The following TICRR variants were observed in gnomAD, a reference collection of about 807,000 sequenced individuals.
TICRR encodes the protein treslin.
TICRR carries 132 observed loss-of-function variants against 178.1 expected under a neutral mutation model. That is an observed-to-expected ratio of 0.74 (90% CI 0.64 to 0.86). The LOEUF (loss-of-function observed/expected upper bound fraction) is 0.86, where lower values mean the gene tolerates loss of function less well. Ranked by LOEUF, TICRR falls within the 40% of genes least tolerant of loss-of-function variation. The pLI is 0.00. For missense variants in TICRR, 2,587 were observed against 2,334.3 expected (o/e 1.11, Z -2.23); for synonymous variants, 991 against 900.7 (o/e 1.10, Z -1.79).
chr15:89,581,239 A>G (rs1324491091), intron 1 of TICRR, among the ~76,000 whole-genome samples: 1 of 152,110 alleles, frequency 6.6e-6, no homozygotes, highest in East Asian at 1.9e-4. Flanking sequence ...ATAATTTATA[A>G]TTGTTACCCG....
At chr15:89,622,487 C>T (rs77016190) in intron 19 of TICRR, among the ~76,000 whole-genome samples, 2,955 of 152,292 alleles carry the variant, frequency 0.019, 102 homozygotes, top group African/African-American at 0.067. Flanking sequence ...ACTCCCCGTC[C>T]GCTAAAGCAA....
chr15:89,598,153 T>TTG (rs1963030702), intron 7 of TICRR, among the ~76,000 whole-genome samples: 1 of 151,708 alleles, frequency 6.6e-6, no homozygotes, highest in African/African-American at 2.4e-5. Flanking sequence ...TTTGTTTTTT[T>TTG]TAGTAGAGAT....
chr15:89,578,199 T>G lies in TICRR; in HGVS notation c.654+1959T>G, dbSNP rs553780687. ...GGCTTTGGAATGTGGTTTAACCAAG[T>G]GAAAGATGTGATTCCACTTAATGGA... On this transcript the variant is annotated intron_variant, in intron 1 of 21. Coordinates refer to ENST00000268138, the MANE Select transcript of TICRR (RefSeq NM_152259.4). Among the ~76,000 whole-genome samples the G allele has an allele frequency of 9.9e-5, 15 of 152,264 alleles. No individual in the cohort carries two copies. In the South Asian group the frequency reaches 2.7e-3, roughly 27 times the overall value.
At chr15:89,586,224 T>C (rs1245976114) in intron 4 of TICRR, among the ~76,000 whole-genome samples, 4 of 152,200 alleles carry the variant, frequency 2.6e-5, no homozygotes, top group African/African-American at 9.7e-5. Flanking sequence ...CTGTCTACCC[T>C]GCATTGCATT....
At chr15:89,579,598 G>A (rs1018367467) in intron 1 of TICRR, among the ~76,000 whole-genome samples, 3 of 151,488 alleles carry the variant, frequency 2.0e-5, no homozygotes, top group South Asian at 4.2e-4. Context: ...CACCCACCTC[G>A]GCCTCCCAAA....
chr15:89,575,775 T>C lies in TICRR; in HGVS notation c.189T>C (p.Ser63=). 8 of 1,608,872 alleles carry C rather than the reference T, an allele frequency of 5.0e-6. No individual in the cohort carries two copies. Among genetic ancestry groups the C allele is most frequent in the Non-Finnish European group, 6.8e-6 (8 of 1,178,592 alleles). Residue 63 remains serine (S), a synonymous_variant, in exon 1 of 22, where the codon TCT becomes TCC. Coordinates refer to ENST00000268138, the MANE Select transcript of TICRR (RefSeq NM_152259.4). ...CGCGGAGCCGGCCGTCCCGCGTGTC[T>C]GACTTCCGCGAGCTGGGGTCCCGCT... ...QGARSRPSRV[S]DFRELGSRSW...
intron 1 of TICRR, among the ~76,000 whole-genome samples, chr15:89,579,372 G>C (rs1962682211): frequency 6.6e-6 from 1 of 152,174 alleles, no homozygotes; most frequent in African/African-American, 2.4e-5. Flanking sequence ...TTGAGACAGA[G>C]TCTTGCTCTG....
At chr15:89,598,479 C>T (rs563665163) in intron 7 of TICRR, among the ~76,000 whole-genome samples, 2 of 152,156 alleles carry the variant, frequency 1.3e-5, no homozygotes, top group East Asian at 3.9e-4. Flanking sequence ...TCTCCTGTCT[C>T]AGCCTCCTGA....
Position 89,575,608 on chromosome 15 carries a change from A to G in TICRR, c.22A>G (p.Met8Val), listed in dbSNP as rs1441949727. 3.3e-6 allele frequency: 5 copies of G among 1,516,452 alleles called. No individual in the cohort carries two copies. The highest frequency in any genetic ancestry group is 4.4e-6 in the Non-Finnish European group (5 of 1,137,430). The allele number at this position is 1,516,452 out of a possible 1,614,324, so 93.9% of individuals were successfully genotyped here. MACCHKV[M>V]LLLDTAGGAA... ...CGATATGGCATGCTGTCACAAAGTA[A>G]TGCTGCTGCTGGACACCGCGGGCGG... Residue 8 changes from methionine to valine, a missense_variant, in exon 1 of 22, where the codon ATG (methionine) becomes GTG (valine). Physicochemically the swap from Met to Val is conservative, Grantham distance 21. Transcript: ENST00000268138.
At position 89,575,627 on chromosome 15, in the gene TICRR, C is replaced by T. The variant is rs1479022873; in HGVS notation, c.41C>T (p.Ala14Val). Residue 14 changes from alanine to valine, a missense_variant, in exon 1 of 22, where the codon GCG (alanine) becomes GTG (valine). By Grantham distance (64) the Ala-to-Val change is moderately conservative (BLOSUM62 0). Transcript: ENST00000268138. Reference protein sequence around the residue: ...CHKVMLLLDTAGGAARHSRVR... With the variant: ...CHKVMLLLDTVGGAARHSRVR... ...AAAGTAATGCTGCTGCTGGACACCG[C>T]GGGCGGCGCCGCCCGCCACAGCCGG... is the stretch of plus-strand genomic sequence containing the variant. 3 of 1,539,106 alleles carry T rather than the reference C, an allele frequency of 1.9e-6. No homozygotes were observed. Among genetic ancestry groups the T allele is most frequent in the Non-Finnish European group, 2.6e-6 (3 of 1,147,814 alleles).
chr15:89,594,334 T>A (rs1728124753), intron 5 of TICRR, 81 bp from the exon 6 acceptor site: 1 of 1,259,534 alleles, frequency 7.9e-7, no homozygotes, highest in Non-Finnish European at 1.1e-6. Context: ...TTTTAGAGGA[T>A]AGTGGGTATT....
intron 8 of TICRR, 114 bp from the exon 9 acceptor site, chr15:89,600,471 T>A: frequency 2.1e-6 from 1 of 468,504 alleles, no homozygotes; most frequent in Non-Finnish European, 3.8e-6. Context: ...TTCATTCAAA[T>A]GAAAGAATAG....
intron 1 of TICRR, among the ~76,000 whole-genome samples, chr15:89,578,808 C>T (rs759388789): frequency 2.6e-5 from 4 of 152,108 alleles, no homozygotes; most frequent in Admixed American, 6.5e-5. Context: ...AAATGCCCAT[C>T]AGATACTCAA....
At chr15:89,607,833 G>C (rs541919603) in intron 14 of TICRR, among the ~76,000 whole-genome samples, 1 of 152,152 alleles carries the variant, frequency 6.6e-6, no homozygotes, top group African/African-American at 2.4e-5. Flanking sequence ...GTATTGTCTT[G>C]CTGGCTTTGC....
chr15:89,575,744 A>T lies in TICRR; in HGVS notation c.158A>T (p.Gln53Leu). The T allele has an allele frequency of 1.2e-6, 2 of 1,609,840 alleles. No individual in the cohort carries two copies. The highest frequency in any genetic ancestry group is 2.2e-5 in the South Asian group (2 of 90,606). Residue 53 changes from glutamine (Q) to leucine (L), a missense_variant, in exon 1 of 22, where the codon CAG (glutamine) becomes CTG (leucine). By Grantham distance (113) the Gln-to-Leu change is moderately radical (BLOSUM62 -2). Transcript: ENST00000268138. ...TGGGCCTTCAAGTTCTTTGACTCGC[A>T]GGGGGCGCGGAGCCGGCCGTCCCGC... ...VHWAFKFFDS[Q>L]GARSRPSRVS...
rs781504186 is a variant in TICRR, at chr15:89,585,864, A to G, written c.1333A>G (p.Thr445Ala). ...QTAVADSPRD[T>A]ASLFSDVVDS... The stretch of plus-strand genomic sequence containing the variant: ...AGCTGTGGCTGACAGCCCCCGGGAC[A>G]CAGCTTCCCTTTTCTCAGATGTTGT... The change falls in exon 4 of 22, where the codon ACA becomes GCA. Residue 445 changes from threonine (T) to alanine (A), a missense_variant. Coordinates refer to ENST00000268138, the MANE Select transcript of TICRR (RefSeq NM_152259.4). The G allele has an allele frequency of 1.9e-6, 3 of 1,614,066 alleles. No individual in the cohort carries two copies. The highest frequency in any genetic ancestry group is 1.1e-5 in the South Asian group (1 of 91,080).
chr15:89,582,768 A>T lies in TICRR; in HGVS notation c.737A>T (p.Glu246Val), dbSNP rs1962751023. 4 of 1,614,160 alleles carry T rather than the reference A, an allele frequency of 2.5e-6. No homozygotes were observed. The highest frequency in any genetic ancestry group is 3.4e-6 in the Non-Finnish European group (4 of 1,180,028). The change falls in exon 2 of 22, where the codon GAA becomes GTA. Residue 246 changes from glutamate (E) to valine (V), a missense_variant. Transcript: ENST00000268138. ...HHGGGTVLPSESFSWDFAQAG... is the reference protein window; with the variant it reads ...HHGGGTVLPSVSFSWDFAQAG... ...GGAGGTGGCACTGTCTTGCCATCTG[A>T]ATCTTTCAGCTGGGATTTTGCTCAA...
intron 1 of TICRR, among the ~76,000 whole-genome samples, chr15:89,579,574 G>A (rs1306433413): frequency 6.6e-6 from 1 of 152,062 alleles, no homozygotes; most frequent in Non-Finnish European, 1.5e-5. Flanking sequence ...TCGAACTCCT[G>A]GCCTCAAGTG....
Position 89,601,936 on chromosome 15 carries a change from G to C in TICRR, c.2527G>C (p.Glu843Gln), listed in dbSNP as rs967967783. Residue 843 changes from glutamate (E) to glutamine (Q), a missense_variant, in exon 12 of 22, where the codon GAA (glutamate) becomes CAA (glutamine). Transcript: ENST00000268138. ...AGTGTCAGGCAGCCCTGAATCTGATGAACTGCAGGAACTTCGTACCAGATC... is the reference window on the plus strand; with the variant it reads ...AGTGTCAGGCAGCCCTGAATCTGATCAACTGCAGGAACTTCGTACCAGATC... ...RSVSGSPESD[E>Q]LQELRTRSAK... 8 of 1,613,974 alleles carry C rather than the reference G, an allele frequency of 5.0e-6. No individual in the cohort carries two copies. The Admixed American group carries it at 1.3e-4, about 27-fold the overall frequency.
Sources: gnomAD v4.1 joint callset for allele counts (sites outside exome capture counted in the v4.1 genomes callset) on GRCh38, gnomAD v4.1.1 for gene constraint, MANE v1.5 for transcripts, NCBI Gene and HGNC (gene_info 2026-07-23, HGNC 2026-07-21) for gene names.